KCNQ4: variants seen among roughly 807,000 people sequenced by gnomAD.
The protein encoded by KCNQ4 is potassium voltage-gated channel subfamily KQT member 4.
In KCNQ4, 31 loss-of-function variants were observed where a neutral mutation model predicts 72.6. The observed-to-expected ratio is 0.43, with a 90% CI of 0.32 to 0.58. KCNQ4 has a LOEUF of 0.58. Among genes scored for constraint, KCNQ4 ranks in the 20% least tolerant of loss-of-function variants. The pLI is 0.08. For missense variants in KCNQ4, 869 were observed against 962.6 expected, an observed-to-expected ratio of 0.90 and a Z score of 1.29; for synonymous variants, 405 against 403.7, an observed-to-expected ratio of 1.00 and a Z score of -0.04.
rs147678179 is a variant in KCNQ4, at chr1:40,787,819, G to A, written c.314+3412G>A. 1.2e-4 allele frequency among the ~76,000 whole-genome samples: 18 copies of A among 152,254 alleles called. No homozygotes were observed. In the East Asian group the frequency reaches 2.1e-3, roughly 18 times the overall value. On this transcript the variant is annotated intron_variant, in intron 1 of 13. Transcript: ENST00000347132. Reference sequence around the variant, plus strand: ...CGCTGAGCCCTTATGGGGAATGCTCGCTGTCCCCTTGCTGCCCCCTCTCAA... The same window carrying A: ...CGCTGAGCCCTTATGGGGAATGCTCACTGTCCCCTTGCTGCCCCCTCTCAA...
At chr1:40,808,467 G>A (rs1162814988) in intron 1 of KCNQ4, among the ~76,000 whole-genome samples, 2 of 152,152 alleles carry the variant, frequency 1.3e-5, no homozygotes, top group African/African-American at 2.4e-5. Context: ...CTCTCCAGGC[G>A]TGGTCTTTTC....
At chr1:40,797,053 A>T (rs1275773277) in intron 1 of KCNQ4, among the ~76,000 whole-genome samples, 1 of 152,236 alleles carries the variant, frequency 6.6e-6, no homozygotes, top group Non-Finnish European at 1.5e-5. Context: ...AATGAAGTTC[A>T]GCTGCTTATG....
chr1:40,838,094 C>G (rs1243998216), intron 13 of KCNQ4, among the ~76,000 whole-genome samples: 2 of 152,140 alleles, frequency 1.3e-5, no homozygotes, highest in Admixed American at 6.5e-5. Context: ...CGCGGACTAT[C>G]CCCATCGGTC....
At chr1:40,816,488 C>T (rs1294478023) in intron 1 of KCNQ4, among the ~76,000 whole-genome samples, 1 of 152,196 alleles carries the variant, frequency 6.6e-6, no homozygotes. Context: ...AAGGGTGAGT[C>T]CTTCTTCCTC....
At chr1:40,798,748 TG>T (rs1647486190) in intron 1 of KCNQ4, among the ~76,000 whole-genome samples, 1 of 152,218 alleles carries the variant, frequency 6.6e-6, no homozygotes, top group Non-Finnish European at 1.5e-5. Context: ...ATGTGGAAGC[TG>T]GGCTGGGCTG....
chr1:40,820,053 T>C, intron 6 of KCNQ4, 68 bp downstream of exon 6: 1 of 1,542,086 alleles, frequency 6.5e-7, no homozygotes, highest in Non-Finnish European at 9.0e-7. Context: ...TGTCACACAT[T>C]TGCCTGGGGA....
chr1:40,838,250 C>A, intron 13 of KCNQ4, 61 bp from the exon 14 acceptor site: 1 of 1,475,608 alleles, frequency 6.8e-7, no homozygotes, highest in South Asian at 1.1e-5. Flanking sequence ...ACCCAAGCCC[C>A]GCCCCCGGCC....
chr1:40,831,440 T>C, intron 10 of KCNQ4, 136 bp downstream of exon 10: 1 of 702,330 alleles, frequency 1.4e-6, no homozygotes, highest in Non-Finnish European at 2.5e-6. Flanking sequence ...GCTCTGGTCT[T>C]CTCATCTGTA....
At chr1:40,793,323 C>T (rs1475380383) in intron 1 of KCNQ4, among the ~76,000 whole-genome samples, 10 of 152,162 alleles carry the variant, frequency 6.6e-5, no homozygotes, top group Admixed American at 3.3e-4. Flanking sequence ...TGGCTTTCCT[C>T]AAACCTGCCT....
chr1:40,824,389 C>A, intron 9 of KCNQ4, 131 bp downstream of exon 9: 1 of 977,098 alleles, frequency 1.0e-6, no homozygotes, highest in Non-Finnish European at 1.5e-6. Context: ...GACTCCTAGG[C>A]CGTCAGAGGG....
In KCNQ4 at chr1:40,822,375, A is replaced by T. The variant is rs1261975746; in HGVS notation, c.1103A>T (p.Tyr368Phe). ...GCCTACCTGACAGCCACCTGGTACT[A>T]CTATGACAGTATCCTCCCATCCTTC... ...SRAYLTATWY[Y>F]YDSILPSFRE... Residue 368 changes from tyrosine (Y) to phenylalanine (F), a missense_variant, in exon 8 of 14, where the codon TAC becomes TTC. Physicochemically the swap from Tyr to Phe is conservative, Grantham distance 22. This residue lies in a region of KCNQ4 where 480 missense variants were observed against 501.9 expected (regional missense o/e 0.96). Coordinates refer to ENST00000347132, the MANE Select transcript of KCNQ4 (RefSeq NM_004700.4). 6 of 1,496,916 alleles carry T rather than the reference A, an allele frequency of 4.0e-6. No individual in the cohort carries two copies. The highest frequency in any genetic ancestry group is 5.4e-6 in the Non-Finnish European group (6 of 1,112,634). 92.7% of individuals were successfully genotyped at this position (1,496,916 alleles called of 1,614,324 possible). A position where few individuals can be genotyped will look rare whatever the true frequency, so the allele number is the denominator to read the frequency against.
chr1:40,792,872 T>TA (rs1352540369), intron 1 of KCNQ4, among the ~76,000 whole-genome samples: 2 of 152,082 alleles, frequency 1.3e-5, no homozygotes, highest in Admixed American at 6.6e-5. Flanking sequence ...AAAGTCAACA[T>TA]AGCTGACAGG....
rs757820200 is a variant in KCNQ4 at position 40,838,411 on chromosome 1, T to C, written c.1976T>C (p.Leu659Pro). The part of the protein sequence containing the change: ...SASLGAVQVP[L>P]FDPDITSDYH... ...AGCCTGGGCGCCGTGCAAGTGCCGCTGTTCGACCCCGACATCACCTCCGAC... is the reference window on the plus strand; with the variant it reads ...AGCCTGGGCGCCGTGCAAGTGCCGCCGTTCGACCCCGACATCACCTCCGAC... Residue 659 changes from leucine to proline, a missense_variant, in exon 14 of 14, where the codon CTG becomes CCG. This residue lies in a region of KCNQ4 where 480 missense variants were observed against 501.9 expected (regional missense o/e 0.96). Transcript: ENST00000347132. 9.3e-6 allele frequency: 15 copies of C among 1,613,998 alleles called. No individual in the cohort carries two copies. The South Asian group carries it at 1.4e-4, about 15-fold the overall frequency.
At chr1:40,790,020 G>A (rs1412439595) in intron 1 of KCNQ4, among the ~76,000 whole-genome samples, 1 of 152,230 alleles carries the variant, frequency 6.6e-6, no homozygotes, top group Non-Finnish European at 1.5e-5. Flanking sequence ...TTTGCCCTGG[G>A]GGAAGCTCCT....
Position 40,838,631 on chromosome 1 carries a change from G to C in KCNQ4, c.*108G>C. ...TCGTACTTGAACTCACTCCCTCACG[G>C]GGAGAGAGACCACACGCAGTATTGA... is the stretch of plus-strand genomic sequence containing the variant. On this transcript the variant is annotated 3_prime_UTR_variant, in exon 14 of 14. Transcript: ENST00000347132. 1 of 1,061,198 alleles carries C rather than the reference G, an allele frequency of 9.4e-7. No individual in the cohort carries two copies. The highest frequency in any genetic ancestry group is 1.4e-6 in the Non-Finnish European group (1 of 693,262). The allele number at this position is 1,061,198 out of a possible 1,614,324, so 65.7% of individuals were successfully genotyped here.
intron 10 of KCNQ4, 133 bp from the exon 11 acceptor site, chr1:40,832,881 G>A (rs1186097006): frequency 1.4e-6 from 1 of 705,732 alleles, no homozygotes; most frequent in Non-Finnish European, 2.6e-6. Context: ...GGAGCCCCAA[G>A]AAGGTTCTGA....
intron 9 of KCNQ4, among the ~76,000 whole-genome samples, chr1:40,830,133 G>C (rs912894283): frequency 6.6e-6 from 1 of 152,016 alleles, no homozygotes; most frequent in Non-Finnish European, 1.5e-5. Flanking sequence ...AGTATCGGGG[G>C]GTAGATCTTT....
At position 40,796,796 on chromosome 1, in the gene KCNQ4, TAG is replaced by T. The variant is rs374629645; in HGVS notation, c.314+12390_314+12391del. Among the ~76,000 whole-genome samples, 50 of 152,198 alleles carry T rather than the reference TAG, an allele frequency of 3.3e-4. 2 individuals carry two copies. In the South Asian group the frequency reaches 1.0e-2, roughly 30 times the overall value. Reference sequence around the variant, plus strand: ...ATCTGGGTGTGATGGTGCGCACCTATAGTCCCAGCTACTTGGGAGGTTGAGGC... The same window carrying T: ...ATCTGGGTGTGATGGTGCGCACCTATTCCCAGCTACTTGGGAGGTTGAGGC... On this transcript the variant is annotated intron_variant, in intron 1 of 13. Coordinates refer to ENST00000347132, the MANE Select transcript of KCNQ4 (RefSeq NM_004700.4).
intron 1 of KCNQ4, among the ~76,000 whole-genome samples, chr1:40,792,266 G>A (rs1033503370): frequency 6.6e-6 from 1 of 152,170 alleles, no homozygotes; most frequent in African/African-American, 2.4e-5. Context: ...AATCTCAGGC[G>A]CCTTCGCTAC....
Sources: allele counts gnomAD v4.1 joint callset (sites outside exome capture counted in the v4.1 genomes callset), GRCh38; gene constraint gnomAD v4.1.1; regional missense constraint gnomAD v4.1.1; transcripts MANE v1.5; gene names NCBI Gene and HGNC (gene_info 2026-07-23, HGNC 2026-07-21).